The following TMEM132B variants were observed in gnomAD, a reference collection of about 807,000 sequenced individuals.
The protein encoded by TMEM132B is transmembrane protein 132B.
TMEM132B carries 18 observed loss-of-function variants against 90.8 expected under a neutral mutation model. The ratio of observed to expected loss-of-function variants is 0.20; its 90% CI spans 0.14 to 0.29. The LOEUF (loss-of-function observed/expected upper bound fraction) is 0.29, where lower values mean the gene tolerates loss of function less well. Among genes scored for constraint, TMEM132B ranks in the 10% least tolerant of loss-of-function variants. The pLI is 1.00. For synonymous variants in TMEM132B, 504 were observed against 523.3 expected (o/e 0.96, Z 0.50); for missense variants, 1,096 against 1,326.8 (o/e 0.83, Z 2.70).
chr12:125,334,881 G>A (rs1876905875), intron 1 of TMEM132B, among the ~76,000 whole-genome samples: 1 of 152,244 alleles, frequency 6.6e-6, no homozygotes, highest in Admixed American at 6.5e-5. Flanking sequence ...GAGGTGAAGA[G>A]CATGGCAGCA....
At chr12:125,284,356 G>A (rs769482731) in intron 1 of TMEM132B, among the ~76,000 whole-genome samples, 11 of 152,034 alleles carry the variant, frequency 7.2e-5, no homozygotes, top group South Asian at 2.1e-4. Context: ...TCATTCACTC[G>A]TTCAGCAACT....
intron 3 of TMEM132B, among the ~76,000 whole-genome samples, chr12:125,417,709 C>T (rs182297322): frequency 6.6e-6 from 1 of 152,254 alleles, no homozygotes; most frequent in East Asian, 1.9e-4. Flanking sequence ...TTTTCTCAGA[C>T]AGGCCCTTCC....
chr12:125,390,202 C>T (rs1878968726), intron 2 of TMEM132B, among the ~76,000 whole-genome samples: 1 of 152,166 alleles, frequency 6.6e-6, no homozygotes, highest in African/African-American at 2.4e-5. Flanking sequence ...CTTATAGTGG[C>T]ATTATTTATA....
chr12:125,555,720 A>T (rs554173087), intron 4 of TMEM132B, among the ~76,000 whole-genome samples: 93 of 149,838 alleles, frequency 6.2e-4, no homozygotes, highest in Non-Finnish European at 1.1e-3. Flanking sequence ...TAGTAAAAAA[A>T]AATATATATA....
chr12:125,580,750 G>C (rs1332416733), intron 4 of TMEM132B, among the ~76,000 whole-genome samples: 3 of 152,112 alleles, frequency 2.0e-5, no homozygotes, highest in Non-Finnish European at 4.4e-5. Flanking sequence ...CTGATGTTTT[G>C]ACTGCCATTT....
intron 3 of TMEM132B, among the ~76,000 whole-genome samples, chr12:125,462,504 G>A (rs1312060968): frequency 6.6e-6 from 1 of 152,108 alleles, no homozygotes; most frequent in Non-Finnish European, 1.5e-5. Flanking sequence ...GAAATATTAG[G>A]AGGTTAGAGT....
chr12:125,432,995 C>T lies in TMEM132B; in HGVS notation c.1106+17318C>T, dbSNP rs1267648161. On this transcript the variant is annotated intron_variant, in intron 3 of 8. Transcript: ENST00000682704. ...CCAATTTGGCCAAGAAAAGTGGGAA[C>T]GAGAAGGAGGCCTTTCCTTAAGCAG... Among the ~76,000 whole-genome samples the T allele has an allele frequency of 3.9e-5, 6 of 152,268 alleles. No individual in the cohort carries two copies. In the South Asian group the frequency reaches 8.3e-4, roughly 21 times the overall value.
intron 1 of TMEM132B, among the ~76,000 whole-genome samples, chr12:125,348,576 C>A (rs1313491743): frequency 6.6e-6 from 1 of 151,946 alleles, no homozygotes; most frequent in African/African-American, 2.4e-5. Context: ...GTCAAGTGAC[C>A]CACCTGCCTT....
intron 3 of TMEM132B, among the ~76,000 whole-genome samples, chr12:125,465,238 G>C (rs539471904): frequency 1.6e-4 from 25 of 152,240 alleles, no homozygotes; most frequent in Non-Finnish European, 2.9e-4. Context: ...TCCTCTCAAT[G>C]ATCAGAAATT....
intron 3 of TMEM132B, among the ~76,000 whole-genome samples, chr12:125,420,487 G>A (rs1349350555): frequency 3.9e-5 from 6 of 152,180 alleles, no homozygotes; most frequent in Non-Finnish European, 7.4e-5. Context: ...GGGACACAGC[G>A]TACCAAGTCC....
intron 3 of TMEM132B, among the ~76,000 whole-genome samples, chr12:125,456,214 C>T (rs567776852): frequency 1.3e-5 from 2 of 152,224 alleles, no homozygotes; most frequent in African/African-American, 4.8e-5. Flanking sequence ...CGTTTGCTAC[C>T]ACAGCACCCC....
chr12:125,416,620 G>A (rs998873195), intron 3 of TMEM132B, among the ~76,000 whole-genome samples: 8 of 152,220 alleles, frequency 5.3e-5, no homozygotes, highest in Admixed American at 1.3e-4. Context: ...GCTGGCAAGC[G>A]CTGTCTCTTC....
At chr12:125,437,027 A>G (rs985476616) in intron 3 of TMEM132B, among the ~76,000 whole-genome samples, 1 of 152,218 alleles carries the variant, frequency 6.6e-6, no homozygotes, top group Non-Finnish European at 1.5e-5. Flanking sequence ...TGCAGTTTTC[A>G]AGGGCCATAC....
At chr12:125,454,947 C>T (rs1458091093) in intron 3 of TMEM132B, among the ~76,000 whole-genome samples, 1 of 152,200 alleles carries the variant, frequency 6.6e-6, no homozygotes, top group Admixed American at 6.5e-5. Flanking sequence ...CTGAATTGGA[C>T]TCATTAAAAA....
intron 1 of TMEM132B, among the ~76,000 whole-genome samples, chr12:125,303,280 A>C (rs1875877070): frequency 6.6e-6 from 1 of 152,124 alleles, no homozygotes; most frequent in African/African-American, 2.4e-5. Context: ...CCTATATTTA[A>C]CATAATGTTT....
chr12:125,543,145 A>G (rs1028141982), intron 4 of TMEM132B, among the ~76,000 whole-genome samples: 14 of 152,170 alleles, frequency 9.2e-5, no homozygotes, highest in African/African-American at 3.4e-4. Context: ...TCTAGGCTCT[A>G]CTTTTCTCAG....
intron 4 of TMEM132B, among the ~76,000 whole-genome samples, chr12:125,520,236 G>C (rs1566061736): frequency 6.6e-6 from 1 of 152,182 alleles, no homozygotes; most frequent in African/African-American, 2.4e-5. Context: ...AGGGTCATGG[G>C]TGAGATTCCA....
intron 1 of TMEM132B, among the ~76,000 whole-genome samples, chr12:125,212,192 T>C (rs1247078706): frequency 6.6e-6 from 1 of 152,142 alleles, no homozygotes; most frequent in Admixed American, 6.5e-5. Flanking sequence ...GTGCGGAATT[T>C]CTCCACTCTG....
intron 1 of TMEM132B, among the ~76,000 whole-genome samples, chr12:125,221,202 G>A (rs914525780): frequency 6.6e-6 from 1 of 152,238 alleles, no homozygotes; most frequent in South Asian, 2.1e-4. Context: ...TATGAGAGCA[G>A]TGACCTCATC....
Sources: gnomAD v4.1 joint callset for allele counts (sites outside exome capture counted in the v4.1 genomes callset) on GRCh38, gnomAD v4.1.1 for gene constraint, MANE v1.5 for transcripts, NCBI Gene and HGNC (gene_info 2026-07-23, HGNC 2026-07-21) for gene names.